PTCHD1: variants seen among roughly 807,000 people sequenced by gnomAD.
PTCHD1 encodes the protein patched domain containing 1.
PTCHD1 carries 3 observed loss-of-function variants against 34.6 expected under a neutral mutation model. The observed-to-expected ratio is 0.09, with a 90% CI of 0.04 to 0.22. PTCHD1 has a LOEUF of 0.22. Ranked by LOEUF, PTCHD1 falls within the 10% of genes least tolerant of loss-of-function variation. PTCHD1 has a pLI of 1.00. For missense variants in PTCHD1, 504 were observed against 685.5 expected (o/e 0.74, Z 2.96); for synonymous variants, 305 against 283.1 (o/e 1.08, Z -0.77).
chrX:23,365,418 A>G (rs1215146307), intron 1 of PTCHD1, among the ~76,000 whole-genome samples: 1 of 111,460 alleles, frequency 9.0e-6, no homozygotes, highest in East Asian at 2.8e-4. Context: ...TTTGTGTTTC[A>G]GAAGCCAATC....
chrX:23,342,902 C>T (rs981448271), intron 1 of PTCHD1, among the ~76,000 whole-genome samples: 4 of 111,956 alleles, frequency 3.6e-5, no homozygotes, highest in African/African-American at 1.3e-4. Flanking sequence ...TATACACATT[C>T]TTTAATGCAG....
intron 1 of PTCHD1, among the ~76,000 whole-genome samples, chrX:23,356,489 T>C (rs1305617487): frequency 8.9e-6 from 1 of 111,924 alleles, no homozygotes; most frequent in Non-Finnish European, 1.9e-5. Flanking sequence ...CTGCTCACTC[T>C]GCAGCCCTTT....
At chrX:23,379,479 T>A in intron 1 of PTCHD1, 112 bp from the exon 2 acceptor site, 1 of 805,512 alleles carries the variant, frequency 1.2e-6, no homozygotes, top group Non-Finnish European at 1.8e-6. Context: ...CTGATCTAGG[T>A]TTATAACATT....
intron 1 of PTCHD1, among the ~76,000 whole-genome samples, chrX:23,353,637 C>T (rs1329301087): frequency 9.0e-6 from 1 of 111,684 alleles, no homozygotes; most frequent in East Asian, 2.8e-4. Context: ...GCTAAGAGAT[C>T]CTACCTAAGA....
At chrX:23,375,641 G>A (rs1922396799) in intron 1 of PTCHD1, among the ~76,000 whole-genome samples, 1 of 111,605 alleles carries the variant, frequency 9.0e-6, no homozygotes, top group Non-Finnish European at 1.9e-5. Context: ...GAATTTGTTG[G>A]TGTATGCTAA....
intron 2 of PTCHD1, among the ~76,000 whole-genome samples, chrX:23,381,676 T>G (rs1427192812): frequency 1.8e-5 from 2 of 112,033 alleles, no homozygotes; most frequent in African/African-American, 6.5e-5. Context: ...CATATACTAG[T>G]AGCTTTTGTG....
intron 1 of PTCHD1, among the ~76,000 whole-genome samples, chrX:23,343,160 C>T (rs1166106307): frequency 8.9e-6 from 1 of 112,582 alleles, no homozygotes; most frequent in African/African-American, 3.2e-5. Flanking sequence ...GTAGCATGAC[C>T]ATGTGATTTC....
At chrX:23,340,348 C>T (rs1355056348) in intron 1 of PTCHD1, among the ~76,000 whole-genome samples, 2 of 111,903 alleles carry the variant, frequency 1.8e-5, no homozygotes, top group African/African-American at 6.5e-5. Flanking sequence ...TTCGATGGCT[C>T]TGTCCCTTCA....
intron 1 of PTCHD1, among the ~76,000 whole-genome samples, chrX:23,362,796 C>T (rs897438306): frequency 8.9e-6 from 1 of 111,981 alleles, no homozygotes; most frequent in Non-Finnish European, 1.9e-5. Context: ...TGTTGGTGAC[C>T]TACAGATGGG....
chrX:23,354,450 G>C (rs945015920), intron 1 of PTCHD1, among the ~76,000 whole-genome samples: 1 of 100,907 alleles, frequency 9.9e-6, no homozygotes, highest in African/African-American at 3.7e-5. Flanking sequence ...GAGAGAGAGA[G>C]AGAAACACAC....
At chrX:23,337,698 C>T (rs746165840) in intron 1 of PTCHD1, among the ~76,000 whole-genome samples, 11 of 111,113 alleles carry the variant, frequency 9.9e-5, no homozygotes, top group African/African-American at 1.6e-4. Context: ...TGCCCCCTGC[C>T]GGTTTTATGG....
Position 23,380,197 on chromosome X carries a change from C to G in PTCHD1, c.958C>G (p.Leu320Val). 8.3e-7 allele frequency: 1 copy of G among 1,211,240 alleles called. No individual in the cohort carries two copies. Among genetic ancestry groups the G allele is most frequent in the East Asian group, 3.0e-5 (1 of 33,848 alleles). The change falls in exon 2 of 3, where the codon CTT becomes GTT. Residue 320 changes from leucine to valine, a missense_variant. By Grantham distance (32) the Leu-to-Val change is conservative. Transcript: ENST00000379361. ...ATLTAAGIIN[L>V]TGGKYNSTFL... ...TCTCACTGCAGCCGGGATCATCAAT[C>G]TTACTGGTGGGAAATATAATTCCAC...
rs373760296 is a variant in PTCHD1 at position 23,365,841 on chromosome X, A to G, written c.352-13750A>G. Among the ~76,000 whole-genome samples the G allele has an allele frequency of 2.5e-4, 28 of 112,467 alleles. 1 individual carries two copies. Among genetic ancestry groups the G allele is most frequent in the Admixed American group, 2.1e-3 (22 of 10,663 alleles). On this transcript the variant is annotated intron_variant, in intron 1 of 2. Transcript: ENST00000379361. ...GGCTAGAGGATATGAGCAGGGTGCCAACTGCATCTGCTGCAGAGGAACTTA... is the reference window on the plus strand; with the variant it reads ...GGCTAGAGGATATGAGCAGGGTGCCGACTGCATCTGCTGCAGAGGAACTTA...
At chrX:23,377,151 C>T (rs1922432312) in intron 1 of PTCHD1, among the ~76,000 whole-genome samples, 1 of 111,875 alleles carries the variant, frequency 8.9e-6, no homozygotes, top group African/African-American at 3.2e-5. Flanking sequence ...GGCTTAACAC[C>T]ATCTTATTTG....
rs1223997859 is a variant in PTCHD1 at position 23,398,289 on chromosome X, G to T, written c.*4104G>T. On this transcript the variant is annotated 3_prime_UTR_variant, in exon 3 of 3. Transcript: ENST00000379361. ...GCTACTGAGAAGTAGATTTGAGCCT[G>T]AGAATTAGGGCTACAAATACAATGA... 8.9e-6 allele frequency: 1 copy of T among 111,873 alleles called. No individual in the cohort carries two copies. Among genetic ancestry groups the T allele is most frequent in the Non-Finnish European group, 1.9e-5 (1 of 53,191 alleles). The allele number at this position is 111,873 out of a possible 1,213,427, so 9.2% of individuals were successfully genotyped here.
chrX:23,342,294 ATATATATATATATATAT>A (rs1441178090), intron 1 of PTCHD1, among the ~76,000 whole-genome samples: 2 of 7,830 alleles, frequency 2.6e-4, no homozygotes, highest in Admixed American at 6.8e-3. Context: ...ATATATATAT[ATATATATATATATATAT>A]TTTTTTTTTT....
At chrX:23,361,975 G>A (rs1921997844) in intron 1 of PTCHD1, among the ~76,000 whole-genome samples, 1 of 112,244 alleles carries the variant, frequency 8.9e-6, no homozygotes, top group Admixed American at 9.4e-5. Context: ...TTGAATATTG[G>A]CCCCCACTCT....
rs1480809492 is a variant in PTCHD1, at chrX:23,400,414, G to T, written c.*6229G>T. On this transcript the variant is annotated 3_prime_UTR_variant, in exon 3 of 3. Coordinates refer to ENST00000379361, the MANE Select transcript of PTCHD1 (RefSeq NM_173495.3). ...AATCCCTTGAACCCGGGAGGTAGAA[G>T]TTGCAGTGAGCCGAGATTTCACCAC... 1.8e-5 allele frequency: 2 copies of T among 112,545 alleles called. No homozygotes were observed. The highest frequency in any genetic ancestry group is 3.8e-5 in the Non-Finnish European group (2 of 53,319). The allele number at this position is 112,545 out of a possible 1,213,427, so 9.3% of individuals were successfully genotyped here. A position where few individuals can be genotyped will look rare whatever the true frequency, so the allele number is the denominator to read the frequency against.
chrX:23,334,970 C>G lies in PTCHD1; in HGVS notation c.95C>G (p.Pro32Arg), dbSNP rs1569130365. 8.3e-7 allele frequency: 1 copy of G among 1,209,826 alleles called. No homozygotes were observed. The highest frequency in any genetic ancestry group is 1.1e-6 in the Non-Finnish European group (1 of 894,538). ...CACCCTGTCTTCTTCGCCTCGGCGC[C>G]GGTGCTCATCTCCATCCTGCTCGGC... ...ASHPVFFASAPVLISILLGAS... is the reference protein window; with the variant it reads ...ASHPVFFASARVLISILLGAS... The change falls in exon 1 of 3, where the codon CCG becomes CGG. Residue 32 changes from proline to arginine, a missense_variant. Pro to Arg is a moderately radical substitution (Grantham distance 103, BLOSUM62 -2). Coordinates refer to ENST00000379361, the MANE Select transcript of PTCHD1 (RefSeq NM_173495.3).
Sources: allele counts gnomAD v4.1 joint callset (sites outside exome capture counted in the v4.1 genomes callset), GRCh38; gene constraint gnomAD v4.1.1; transcripts MANE v1.5; gene names NCBI Gene and HGNC (gene_info 2026-07-23, HGNC 2026-07-21).